OBP2B: variants seen among roughly 807,000 people sequenced by gnomAD.
OBP2B encodes the protein odorant binding protein 2B.
In OBP2B, 10 loss-of-function variants were observed where a neutral mutation model predicts 21.7. The ratio of observed to expected loss-of-function variants is 0.46; its 90% CI spans 0.28 to 0.78. OBP2B has a LOEUF of 0.78. Among genes scored for constraint, OBP2B ranks in the 30% least tolerant of loss-of-function variants. The probability of loss-of-function intolerance (pLI) is 0.11; values close to 1 mark genes in which losing one functional copy is unlikely to be tolerated. For synonymous variants in OBP2B, 73 were observed against 91.5 expected (o/e 0.80, Z 1.16); for missense variants, 153 against 217.7 (o/e 0.70, Z 1.87).
rs1383094820 is a variant in OBP2B at position 133,208,553 on chromosome 9, G to A, written c.122C>T (p.Pro41Leu). The change falls in exon 2 of 7, where the codon CCG becomes CTG. Residue 41 changes from proline (P) to leucine (L), a missense_variant. Transcript: ENST00000372034. ...CACCTTCCTGGGCCTCCTGTCCTCC[G>A]GAAAGTCCTTATCGACCACCATGGC... ...VKAMVVDKDF[P>L]EDRRPRKVSP... is the part of the protein sequence containing the mutation. 14 of 1,612,998 alleles carry A rather than the reference G, an allele frequency of 8.7e-6. No individual in the cohort carries two copies. The highest frequency in any genetic ancestry group is 6.7e-5 in the East Asian group (3 of 44,858).
chr9:133,209,930 G>T (rs1214404219), upstream of OBP2B, among the ~76,000 whole-genome samples: 6 of 152,152 alleles, frequency 3.9e-5, no homozygotes, highest in Admixed American at 2.6e-4. This position sits in a 1 kb window ranked among gnomAD's most constrained non-coding sequence, Gnocchi z 6.0. Flanking sequence ...CAGAACACGC[G>T]ATCTCTCTGG....
At chr9:133,222,452 C>T in the OBP2B span, among the ~76,000 whole-genome samples, 2 of 152,202 alleles carry the variant, frequency 1.3e-5, no homozygotes, top group African/African-American at 2.4e-5. Context: ...CTCAGGCTGG[C>T]TGCAGTGGCT....
intron 3 of OBP2B, 148 bp downstream of exon 3, chr9:133,207,985 C>T (rs569244839): frequency 6.5e-7 from 1 of 1,527,314 alleles, no homozygotes; most frequent in South Asian, 1.2e-5. Flanking sequence ...CACCAGCCCC[C>T]CAGGAAGGAG....
the OBP2B span, among the ~76,000 whole-genome samples, chr9:133,217,646 C>T: frequency 3.3e-5 from 5 of 152,190 alleles, no homozygotes; most frequent in African/African-American, 9.7e-5. Flanking sequence ...TTGCAGGCTT[C>T]CCAGCCCCAG....
At chr9:133,212,670 C>A (rs1346893109), upstream of OBP2B, among the ~76,000 whole-genome samples, 1 of 152,188 alleles carries the variant, frequency 6.6e-6, no homozygotes, top group African/African-American at 2.4e-5. Flanking sequence ...GTGGCTTGTG[C>A]CTATAATTCC....
At chr9:133,209,920 C>A (rs189961353), upstream of OBP2B, among the ~76,000 whole-genome samples, 13 of 152,340 alleles carry the variant, frequency 8.5e-5, no homozygotes, top group East Asian at 2.5e-3. This position sits in a 1 kb window ranked among gnomAD's most constrained non-coding sequence, Gnocchi z 6.0. Flanking sequence ...GTGCTGTCCT[C>A]AGAACACGCG....
At chr9:133,211,951 A>G (rs1460857744), upstream of OBP2B, among the ~76,000 whole-genome samples, 2 of 152,268 alleles carry the variant, frequency 1.3e-5, no homozygotes, top group African/African-American at 2.4e-5. Context: ...TATGCCGTCT[A>G]CAAGAAACTT....
chr9:133,213,201 C>T (rs1263096722), upstream of OBP2B, among the ~76,000 whole-genome samples: 7 of 152,158 alleles, frequency 4.6e-5, no homozygotes, highest in Non-Finnish European at 1.0e-4. Context: ...GATAGTGCCA[C>T]TGCACTCCAG....
At chr9:133,223,225 C>T in the OBP2B span, among the ~76,000 whole-genome samples, 1 of 152,290 alleles carries the variant, frequency 6.6e-6, no homozygotes, top group Admixed American at 6.5e-5. The surrounding 1 kb of genome is among the most constrained non-coding windows in gnomAD (Gnocchi z 4.4). Context: ...CTCTGTGCTG[C>T]AGGTGATTGA....
intron 3 of OBP2B, 164 bp downstream of exon 3, chr9:133,207,969 C>T: frequency 6.5e-7 from 1 of 1,530,382 alleles, no homozygotes; most frequent in Non-Finnish European, 8.8e-7. Flanking sequence ...TGTCTGATGT[C>T]AGGGCCACCA....
intron 3 of OBP2B, 96 bp from the exon 4 acceptor site, chr9:133,207,432 C>T (rs543351066): frequency 6.0e-6 from 5 of 828,312 alleles, no homozygotes; most frequent in African/African-American, 3.4e-5. Flanking sequence ...CCCAGGTGCC[C>T]TGGACAGCCT....
intron 3 of OBP2B, among the ~76,000 whole-genome samples, chr9:133,207,655 C>A (rs555676969): frequency 1.7e-4 from 26 of 152,194 alleles, no homozygotes; most frequent in Admixed American, 1.7e-3. Flanking sequence ...TAATCCTCAG[C>A]TTCCGCAGCA....
chr9:133,207,726 C>T (rs1191059676), intron 3 of OBP2B: 29 of 665,322 alleles, frequency 4.4e-5, no homozygotes, highest in South Asian at 6.3e-5. Context: ...CTCAGCTTCC[C>T]GATCCCTAAC....
upstream of OBP2B, among the ~76,000 whole-genome samples, chr9:133,211,005 C>G (rs1833906758): frequency 6.6e-6 from 1 of 152,226 alleles, no homozygotes; most frequent in South Asian, 2.1e-4. Flanking sequence ...ACAACTTTCT[C>G]TCTCACCACT....
At chr9:133,209,476 G>A (rs1422765363), upstream of OBP2B, among the ~76,000 whole-genome samples, 3 of 152,212 alleles carry the variant, frequency 2.0e-5, no homozygotes, top group East Asian at 5.8e-4. This position sits in a 1 kb window ranked among gnomAD's most constrained non-coding sequence, Gnocchi z 6.0. Flanking sequence ...CCACTCAGAT[G>A]AGCCCAGAGG....
At chr9:133,210,229 T>C (rs545397550), upstream of OBP2B, among the ~76,000 whole-genome samples, 1 of 152,232 alleles carries the variant, frequency 6.6e-6, no homozygotes, top group Non-Finnish European at 1.5e-5. Context: ...CAGGTGTGTG[T>C]CATCTTCCCT....
At position 133,206,297 on chromosome 9, in the gene OBP2B, G is replaced by T. The variant is rs555619567; in HGVS notation, c.490+18C>A. 8 of 1,608,830 alleles carry T rather than the reference G, an allele frequency of 5.0e-6. No individual in the cohort carries two copies. In the African/African-American group the frequency reaches 1.1e-4, roughly 21 times the overall value. ...ACACAGCAGAGGGACACAGGGGACT[G>T]GGCACAGCCATCCTCACCCGTCTGC... On this transcript the variant is annotated intron_variant, in intron 5 of 6. Coordinates refer to ENST00000372034, the MANE Select transcript of OBP2B (RefSeq NM_014581.4).
the OBP2B span, among the ~76,000 whole-genome samples, chr9:133,219,960 C>T: frequency 1.3e-5 from 2 of 152,180 alleles, no homozygotes; most frequent in Non-Finnish European, 2.9e-5. Flanking sequence ...AATACCGACC[C>T]ATGCTACCAC....
chr9:133,217,977 T>C, the OBP2B span, among the ~76,000 whole-genome samples: 1 of 152,260 alleles, frequency 6.6e-6, no homozygotes, highest in East Asian at 1.9e-4. Flanking sequence ...CTCTGGATCC[T>C]GATGGGTCAC....
Sources: gnomAD v4.1 joint callset for allele counts (sites outside exome capture counted in the v4.1 genomes callset) on GRCh38, gnomAD v4.1.1 for gene constraint, Gnocchi (gnomAD v3.1) non-coding constraint, MANE v1.5 for transcripts, NCBI Gene and HGNC (gene_info 2026-07-23, HGNC 2026-07-21) for gene names.